EYS: variants seen among roughly 807,000 people sequenced by gnomAD.
EYS encodes the protein protein eyes shut homolog.
In EYS, 250 loss-of-function variants were observed where a neutral mutation model predicts 282.1. The observed-to-expected ratio is 0.89, with a 90% confidence interval of 0.80 to 0.98. The LOEUF (loss-of-function observed/expected upper bound fraction) is 0.98, where lower values mean the gene tolerates loss of function less well. Ranked by LOEUF, EYS falls within the 50% of genes least tolerant of loss-of-function variation. The pLI, the probability that EYS is intolerant of heterozygous loss-of-function variation, is 0.00. For synonymous variants in EYS, 1,355 were observed against 1,282.9 expected, an observed-to-expected ratio of 1.06 and a Z score of -1.20; for missense variants, 4,016 against 3,709.0, an observed-to-expected ratio of 1.08 and a Z score of -2.15.
At chr6:65,462,362 A>G (rs1747673167) in intron 5 of EYS, among the ~76,000 whole-genome samples, 1 of 152,012 alleles carries the variant, frequency 6.6e-6, no homozygotes, top group Admixed American at 6.6e-5. Flanking sequence ...TGTGAATGGA[A>G]ATGTTTTGTA....
intron 12 of EYS, among the ~76,000 whole-genome samples, chr6:65,185,748 A>G (rs1372335673): frequency 6.6e-6 from 1 of 151,794 alleles, no homozygotes; most frequent in Non-Finnish European, 1.5e-5. Context: ...AAGGAAAAAC[A>G]GTTGTCTTAA....
chr6:63,897,501 G>A (rs1446394304), intron 35 of EYS, among the ~76,000 whole-genome samples: 2 of 152,088 alleles, frequency 1.3e-5, no homozygotes, highest in African/African-American at 4.8e-5. Flanking sequence ...CACACGTAAG[G>A]AATGCTGGCA....
At chr6:65,640,164 A>T (rs1324467374) in intron 1 of EYS, among the ~76,000 whole-genome samples, 6 of 152,210 alleles carry the variant, frequency 3.9e-5, no homozygotes, top group African/African-American at 1.4e-4. Context: ...TGTAAGCTCA[A>T]ATAATACAAT....
At chr6:65,088,178 G>A (rs990224928) in intron 12 of EYS, among the ~76,000 whole-genome samples, 2 of 152,172 alleles carry the variant, frequency 1.3e-5, no homozygotes, top group Non-Finnish European at 2.9e-5. Flanking sequence ...AGCAGTGTGA[G>A]AATGGACTAA....
chr6:65,039,622 T>C (rs1583424883), intron 13 of EYS, among the ~76,000 whole-genome samples: 2 of 151,620 alleles, frequency 1.3e-5, no homozygotes, highest in Non-Finnish European at 3.0e-5. Flanking sequence ...ATATATTTAA[T>C]TTCTCTTCGC....
chr6:65,382,300 A>T (rs1221298243), intron 8 of EYS, among the ~76,000 whole-genome samples: 1 of 150,538 alleles, frequency 6.6e-6, no homozygotes, highest in Non-Finnish European at 1.5e-5. Flanking sequence ...TTCATGTCAA[A>T]TTAATTATTG....
intron 22 of EYS, among the ~76,000 whole-genome samples, chr6:64,643,120 C>CG (rs111720573): frequency 6.1e-5 from 3 of 49,284 alleles, no homozygotes. Context: ...CATCCCCCCC[C>CG]CCAAAAAAAA....
chr6:64,364,777 G>A (rs1055207115), intron 29 of EYS, among the ~76,000 whole-genome samples: 3 of 151,724 alleles, frequency 2.0e-5, no homozygotes, highest in Admixed American at 6.6e-5. Flanking sequence ...TGGGGTGAGG[G>A]ATGAAATACT....
chr6:63,834,008 T>C lies in EYS; in HGVS notation c.7229-27636A>G, dbSNP rs529333645. ...GTTCTGGGAAAACTGGCTAGCCATA[T>C]GTAGAAAGCTGAAACTGGATTCCTT... On this transcript the variant is annotated intron_variant, in intron 36 of 42. Coordinates refer to ENST00000503581, the MANE Select transcript of EYS (RefSeq NM_001142800.2). Among the ~76,000 whole-genome samples the C allele has an allele frequency of 8.9e-3, 1,361 of 152,328 alleles. 8 individuals are homozygous for C. The highest frequency in any genetic ancestry group is 0.018 in the African/African-American group (739 of 41,572).
At chr6:65,697,222 C>T (rs1769487078) in intron 1 of EYS, among the ~76,000 whole-genome samples, 1 of 151,970 alleles carries the variant, frequency 6.6e-6, no homozygotes, top group African/African-American at 2.4e-5. Flanking sequence ...AAAGTCAATT[C>T]TCAGTGTATA....
At chr6:65,550,088 C>T (rs1224140112) in intron 2 of EYS, among the ~76,000 whole-genome samples, 1 of 149,136 alleles carries the variant, frequency 6.7e-6, no homozygotes, top group Non-Finnish European at 1.5e-5. Context: ...CCTTTTGTAG[C>T]TGAACCTGTT....
chr6:64,724,549 C>T (rs1273853311), intron 22 of EYS, among the ~76,000 whole-genome samples: 3 of 152,152 alleles, frequency 2.0e-5, no homozygotes, highest in East Asian at 1.9e-4. Flanking sequence ...ACATACAATC[C>T]TATTTTTCTA....
chr6:65,475,748 G>GACAC (rs111446667), intron 5 of EYS, among the ~76,000 whole-genome samples: 112 of 121,594 alleles, frequency 9.2e-4, no homozygotes, highest in African/African-American at 2.8e-3. Context: ...CAGACAGACA[G>GACAC]ACAGACAGAC....
At chr6:64,305,307 A>G (rs891258561) in intron 30 of EYS, among the ~76,000 whole-genome samples, 4 of 152,092 alleles carry the variant, frequency 2.6e-5, no homozygotes, top group Non-Finnish European at 5.9e-5. Context: ...TGAATTGGAA[A>G]AAAGTGATAT....
intron 22 of EYS, among the ~76,000 whole-genome samples, chr6:64,628,547 G>T (rs1767682296): frequency 6.6e-6 from 1 of 152,042 alleles, no homozygotes; most frequent in Admixed American, 6.5e-5. Context: ...TAGGACTACA[G>T]GTGGTGTGCA....
chr6:64,304,870 C>A (rs2150374693), intron 30 of EYS, among the ~76,000 whole-genome samples: 1 of 152,012 alleles, frequency 6.6e-6, no homozygotes, highest in East Asian at 1.9e-4. Context: ...GCAGTGAAAG[C>A]AGTGGTAAGG....
In EYS at chr6:64,942,840, A is replaced by AC. The variant is rs1366859188; in HGVS notation, c.2381+2952_2381+2953insG. On this transcript the variant is annotated intron_variant, in intron 15 of 42. Transcript: ENST00000503581. ...CTGTAACTCTTCCAAAAAAAAAAAA[A>AC]AAACAAAAATGAAGTCGAAGGAACT... Among the ~76,000 whole-genome samples the AC allele has an allele frequency of 2.0e-4, 30 of 151,172 alleles. 1 individual carries two copies. The highest frequency in any genetic ancestry group is 7.3e-4 in the African/African-American group (30 of 41,014).
intron 31 of EYS, among the ~76,000 whole-genome samples, chr6:64,177,332 C>G (rs59716105): frequency 2.7e-5 from 4 of 147,424 alleles, no homozygotes; most frequent in Admixed American, 6.7e-5. Flanking sequence ...ATTTCACACA[C>G]TGTATATATA....
intron 12 of EYS, among the ~76,000 whole-genome samples, chr6:65,094,408 T>C (rs1263786275): frequency 7.0e-6 from 1 of 143,130 alleles, no homozygotes. Context: ...TTCCATACAA[T>C]AGCAGCAGGA....
Sources: allele counts gnomAD v4.1 joint callset (sites outside exome capture counted in the v4.1 genomes callset), GRCh38; gene constraint gnomAD v4.1.1; transcripts MANE v1.5; gene names NCBI Gene and HGNC (gene_info 2026-07-23, HGNC 2026-07-21).